Variants in SLC2A9 observed in about 807,000 individuals in gnomAD.
The protein encoded by SLC2A9 is solute carrier family 2 member 9.
A neutral mutation model predicts 50.6 loss-of-function variants in SLC2A9; 39 were observed. That is an observed-to-expected ratio of 0.77 (90% CI 0.60 to 1.01). The LOEUF is 1.01. Among genes scored for constraint, SLC2A9 ranks in the 50% least tolerant of loss-of-function variants. The pLI is 0.00. For synonymous variants in SLC2A9, 324 were observed against 276.9 expected, an observed-to-expected ratio of 1.17 and a Z score of -1.69; for missense variants, 686 against 677.6, an observed-to-expected ratio of 1.01 and a Z score of -0.14.
At chr4:9,872,601 T>G (rs982271841) in intron 10 of SLC2A9, among the ~76,000 whole-genome samples, 2 of 152,222 alleles carry the variant, frequency 1.3e-5, no homozygotes, top group African/African-American at 4.8e-5. Context: ...AAAATGGATT[T>G]GGAAAGGGAA....
At chr4:9,818,224 A>G (rs1723901468) in intron 3 of SLC2A9, among the ~76,000 whole-genome samples, 1 of 141,430 alleles carries the variant, frequency 7.1e-6, no homozygotes, top group Admixed American at 6.7e-5. Flanking sequence ...GCCAACCATT[A>G]TGTCCTCTTA....
chr4:9,830,757 T>C (rs544386112), intron 11 of SLC2A9, among the ~76,000 whole-genome samples: 3 of 152,048 alleles, frequency 2.0e-5, no homozygotes, highest in African/African-American at 7.2e-5. Flanking sequence ...CACTGGAGAG[T>C]GTTTTTCGCA....
chr4:9,987,747 G>C lies in SLC2A9; in HGVS notation c.411-1954C>G, dbSNP rs575951044. On this transcript the variant is annotated intron_variant, in intron 3 of 11. Transcript: ENST00000264784. ...GGAGACTGGGGCAGGAGAACTGCTTGAACCCAGGAGGCAGAGATTGCAGTG... is the reference window on the plus strand; with the variant it reads ...GGAGACTGGGGCAGGAGAACTGCTTCAACCCAGGAGGCAGAGATTGCAGTG... Among the ~76,000 whole-genome samples the C allele has an allele frequency of 3.9e-5, 6 of 152,108 alleles. No homozygotes were observed. In the South Asian group the frequency reaches 1.3e-3, roughly 32 times the overall value.
chr4:9,971,623 T>G (rs1246145285), intron 5 of SLC2A9, among the ~76,000 whole-genome samples: 1 of 152,206 alleles, frequency 6.6e-6, no homozygotes, highest in Non-Finnish European at 1.5e-5. Context: ...CTGCCTCACC[T>G]AGGGATAATC....
At position 9,857,127 on chromosome 4, in the gene SLC2A9, C is replaced by T. The variant is rs979527011; in HGVS notation, c.1292-22119G>A. Among the ~76,000 whole-genome samples the T allele has an allele frequency of 4.6e-5, 7 of 152,070 alleles. No homozygotes were observed. In the South Asian group the frequency reaches 8.3e-4, roughly 18 times the overall value. On this transcript the variant is annotated intron_variant, in intron 10 of 11. Coordinates refer to ENST00000264784, the MANE Select transcript of SLC2A9 (RefSeq NM_020041.3). ...ACGAAAAGTTAAAAAAAGAAAAAAGCGTTCTCTGTATGGGTGCTGGAGTTA... is the reference window on the plus strand; with the variant it reads ...ACGAAAAGTTAAAAAAAGAAAAAAGTGTTCTCTGTATGGGTGCTGGAGTTA...
chr4:9,950,121 G>C (rs938706413), intron 5 of SLC2A9, among the ~76,000 whole-genome samples: 1 of 152,214 alleles, frequency 6.6e-6, no homozygotes, highest in Non-Finnish European at 1.5e-5. Flanking sequence ...TGACCCCACA[G>C]AGTACAAGCC....
At chr4:9,789,134 A>G (rs775210356) in intron 3 of SLC2A9, among the ~76,000 whole-genome samples, 2 of 152,248 alleles carry the variant, frequency 1.3e-5, no homozygotes, top group Non-Finnish European at 2.9e-5. Flanking sequence ...GATATCTAGC[A>G]GAAATATTTT....
chr4:9,808,097 A>G (rs1489919022), intron 3 of SLC2A9, among the ~76,000 whole-genome samples: 1 of 152,150 alleles, frequency 6.6e-6, no homozygotes, highest in East Asian at 1.9e-4. Flanking sequence ...CCACAGCTCT[A>G]TCCTTGGCCA....
chr4:10,009,476 A>G (rs1415256798), intron 2 of SLC2A9: 1 of 152,202 alleles, frequency 6.6e-6, no homozygotes, highest in East Asian at 1.9e-4. Context: ...ATCTGCCTTT[A>G]GGGAAGGAGC....
chr4:9,830,266 GA>G (rs1293735166), intron 11 of SLC2A9, among the ~76,000 whole-genome samples: 1 of 152,192 alleles, frequency 6.6e-6, no homozygotes, highest in East Asian at 1.9e-4. Flanking sequence ...CACAGGAACA[GA>G]AAACCAAACA....
At chr4:9,774,507 C>T (rs772311305) in intron 1 of SLC2A9, among the ~76,000 whole-genome samples, 2 of 152,154 alleles carry the variant, frequency 1.3e-5, no homozygotes, top group South Asian at 2.1e-4. Context: ...CCATGCTGCC[C>T]ACCAAACAGG....
intron 2 of SLC2A9, among the ~76,000 whole-genome samples, chr4:10,004,214 A>C (rs1310214416): frequency 6.6e-6 from 1 of 152,220 alleles, no homozygotes; most frequent in East Asian, 1.9e-4. Flanking sequence ...CAACCCTTGT[A>C]GCCATCCTGA....
At chr4:9,835,404 G>A (rs567773852) in intron 10 of SLC2A9, among the ~76,000 whole-genome samples, 2 of 152,140 alleles carry the variant, frequency 1.3e-5, no homozygotes, top group East Asian at 3.9e-4. Flanking sequence ...CATGACTGCT[G>A]GGATCCCACT....
downstream of SLC2A9, among the ~76,000 whole-genome samples, chr4:9,823,680 G>A (rs918445180): frequency 9.2e-5 from 14 of 152,196 alleles, no homozygotes; most frequent in African/African-American, 3.4e-4. Flanking sequence ...TAGATTTGTG[G>A]TACAAGTGTG....
intron 10 of SLC2A9, chr4:9,879,877 C>A (rs1734918563): frequency 1.0e-6 from 1 of 985,336 alleles, no homozygotes. Context: ...GTTATGCACA[C>A]AAATAAAATA....
At chr4:9,778,680 T>C (rs915552049), downstream of SLC2A9, among the ~76,000 whole-genome samples, 12 of 152,164 alleles carry the variant, frequency 7.9e-5, no homozygotes, top group Admixed American at 6.5e-4. Flanking sequence ...CCATTCTCTA[T>C]CACAAAAGCC....
intron 1 of SLC2A9, among the ~76,000 whole-genome samples, chr4:10,038,899 A>G (rs1035701343): frequency 1.3e-5 from 2 of 152,090 alleles, no homozygotes; most frequent in East Asian, 3.9e-4. Context: ...CAGGATCAAC[A>G]TTTTTCTTAA....
chr4:9,847,664 A>T (rs1729202024), intron 10 of SLC2A9, among the ~76,000 whole-genome samples: 2 of 152,236 alleles, frequency 1.3e-5, no homozygotes, highest in African/African-American at 4.8e-5. Flanking sequence ...TCAGCATCTG[A>T]GGTCCACTGA....
intron 3 of SLC2A9, among the ~76,000 whole-genome samples, chr4:9,816,545 A>G (rs1040957086): frequency 1.9e-4 from 29 of 152,316 alleles, no homozygotes; most frequent in African/African-American, 6.7e-4. Flanking sequence ...ACCACACATA[A>G]AAAGAAAGGA....
Sources: allele counts gnomAD v4.1 joint callset (sites outside exome capture counted in the v4.1 genomes callset), GRCh38; gene constraint gnomAD v4.1.1; transcripts MANE v1.5; gene names NCBI Gene and HGNC (gene_info 2026-07-23, HGNC 2026-07-21).